The following POU6F1 variants were observed in gnomAD, a reference collection of about 807,000 sequenced individuals.
POU6F1 encodes the protein POU class 6 homeobox 1.
A neutral mutation model predicts 28.9 loss-of-function variants in POU6F1; 9 were observed. That is an observed-to-expected ratio of 0.31 (90% CI 0.19 to 0.54). POU6F1 has a LOEUF of 0.54. POU6F1 is among the 20% of genes least tolerant of loss of function. The pLI is 0.94. For missense variants in POU6F1, 338 were observed against 426.1 expected (o/e 0.79, Z 1.82); for synonymous variants, 173 against 171.1 (o/e 1.01, Z -0.09).
rs80221726 is a variant in POU6F1 at position 51,199,153 on chromosome 12, G to C, written c.367-378C>G. On this transcript the variant is annotated intron_variant, in intron 4 of 10. Coordinates refer to ENST00000333640, the MANE Select transcript of POU6F1 (RefSeq NM_001330422.2). This position sits in a 1 kb window ranked among gnomAD's most constrained non-coding sequence, Gnocchi z 4.1. ...GAGCAGAGGCTGATGGAACCAAGTG[G>C]TCAAGGCCCCGCAGAGGCTAATGGA... 0.082 allele frequency among the ~76,000 whole-genome samples: 41 copies of C among 502 alleles called. No individual in the cohort carries two copies. Among genetic ancestry groups the C allele is most frequent in the East Asian group, 0.14 (4 of 28 alleles). 0.3% of individuals were successfully genotyped at this position (502 alleles called of 152,430 possible).
Position 51,197,841 on chromosome 12 carries a change from T to A in POU6F1, c.775A>T (p.Thr259Ser), listed in dbSNP as rs962912600. 10 of 255,442 alleles carry A rather than the reference T, an allele frequency of 3.9e-5. No individual in the cohort carries two copies. Among genetic ancestry groups the A allele is most frequent in the Non-Finnish European group, 7.1e-5 (10 of 140,854 alleles). 15.8% of individuals were successfully genotyped at this position (255,442 alleles called of 1,614,324 possible). ...QPTAATAAAP[T>S]PKPVDTPPQI... ...GGGGGGGTGTCCACTGGCTTGGGGGTAGGGGCAGCAGCGGTGGCAGCAGTG... is the reference window on the plus strand; with the variant it reads ...GGGGGGGTGTCCACTGGCTTGGGGGAAGGGGCAGCAGCGGTGGCAGCAGTG... The change falls in exon 6 of 11, where the codon ACC (threonine) becomes TCC (serine). Residue 259 changes from threonine (T) to serine (S), a missense_variant. Coordinates refer to ENST00000333640, the MANE Select transcript of POU6F1 (RefSeq NM_001330422.2).
At chr12:51,193,972 C>T (rs1261221044) in intron 8 of POU6F1, among the ~76,000 whole-genome samples, 3 of 152,162 alleles carry the variant, frequency 2.0e-5, no homozygotes, top group Non-Finnish European at 4.4e-5. Flanking sequence ...CTTGACTCTC[C>T]CTAGAGCTGT....
chr12:51,204,489 G>A, intron 2 of POU6F1, 121 bp from the exon 3 acceptor site: 1 of 397,348 alleles, frequency 2.5e-6, no homozygotes, highest in Non-Finnish European at 4.4e-6. Context: ...CTCCTGTCCA[G>A]AGGGCTGTGT....
At position 51,189,967 on chromosome 12, in the gene POU6F1, T is replaced by C. The variant is rs552462808; in HGVS notation, c.*280A>G. On this transcript the variant is annotated 3_prime_UTR_variant, in exon 11 of 11. Transcript: ENST00000333640. ...ACCAGAATTCACCCTTCAGAAACCA[T>C]GCTAGCAAGGTGCTTCTCTAAGTGA... 5 of 456,480 alleles carry C rather than the reference T, an allele frequency of 1.1e-5. No homozygotes were observed. In the East Asian group the frequency reaches 1.7e-4, roughly 16 times the overall value. The allele number at this position is 456,480 out of a possible 1,614,324, so 28.3% of individuals were successfully genotyped here.
At position 51,190,109 on chromosome 12, in the gene POU6F1, T is replaced by C; in HGVS notation, c.*138A>G. 7.2e-7 allele frequency: 1 copy of C among 1,383,766 alleles called. No homozygotes were observed. Among genetic ancestry groups the C allele is most frequent in the Non-Finnish European group, 9.6e-7 (1 of 1,044,612 alleles). The allele number at this position is 1,383,766 out of a possible 1,614,324, so 85.7% of individuals were successfully genotyped here. A position where few individuals can be genotyped will look rare whatever the true frequency, so the allele number is the denominator to read the frequency against. On this transcript the variant is annotated 3_prime_UTR_variant, in exon 11 of 11. Coordinates refer to ENST00000333640, the MANE Select transcript of POU6F1 (RefSeq NM_001330422.2). This position sits in a 1 kb window ranked among gnomAD's most constrained non-coding sequence, Gnocchi z 4.5. The stretch of plus-strand genomic sequence containing the variant: ...GAGAAAAGAGGGACATTGATGCACA[T>C]GCACACGGTGGAGTCTGATGACCTG...
At chr12:51,212,918 A>G (rs531580102) in intron 1 of POU6F1, among the ~76,000 whole-genome samples, 1 of 152,040 alleles carries the variant, frequency 6.6e-6, no homozygotes, top group Non-Finnish European at 1.5e-5. Flanking sequence ...AGGGACACCT[A>G]ACACCTAATG....
chr12:51,212,918 A>T lies in POU6F1; in HGVS notation c.-48+4724T>A, dbSNP rs531580102. Among the ~76,000 whole-genome samples the T allele has an allele frequency of 2.0e-5, 3 of 152,154 alleles. No homozygotes were observed. The East Asian group carries it at 5.8e-4, about 29-fold the overall frequency. ...TAAAGAATCTACAAGAGGGACACCT[A>T]ACACCTAATGACCTAATGCAGTTGT... On this transcript the variant is annotated intron_variant, in intron 1 of 10. Coordinates refer to ENST00000333640, the MANE Select transcript of POU6F1 (RefSeq NM_001330422.2).
At chr12:51,209,469 C>G (rs1017671202) in intron 1 of POU6F1, among the ~76,000 whole-genome samples, 3 of 152,190 alleles carry the variant, frequency 2.0e-5, no homozygotes, top group African/African-American at 7.2e-5. Context: ...GAACTTCATT[C>G]CTTTTCATGG....
chr12:51,199,473 A>T lies in POU6F1; in HGVS notation c.366+274T>A, dbSNP rs1235792121. On this transcript the variant is annotated intron_variant, in intron 4 of 10. Coordinates refer to ENST00000333640, the MANE Select transcript of POU6F1 (RefSeq NM_001330422.2). This position sits in a 1 kb window ranked among gnomAD's most constrained non-coding sequence, Gnocchi z 4.1. ...TCATTTAGTCATTTGATAAACAGAA[A>T]CTCTGGCTGCGTGAAAGAGTTAATG... Among the ~76,000 whole-genome samples, 1 of 151,960 alleles carries T rather than the reference A, an allele frequency of 6.6e-6. No individual in the cohort carries two copies. The highest frequency in any genetic ancestry group is 1.5e-5 in the Non-Finnish European group (1 of 67,966).
intron 8 of POU6F1, among the ~76,000 whole-genome samples, chr12:51,194,185 C>A (rs1252480452): frequency 2.6e-5 from 4 of 152,172 alleles, no homozygotes; most frequent in East Asian, 3.9e-4. Context: ...CGCCACCACA[C>A]CTGGCTAATT....
intron 2 of POU6F1, among the ~76,000 whole-genome samples, chr12:51,204,998 T>A (rs970070711): frequency 6.7e-5 from 10 of 149,390 alleles, no homozygotes; most frequent in Non-Finnish European, 1.0e-4. Flanking sequence ...AGATGCATCC[T>A]CTCCCTCTCT....
chr12:51,201,267 T>C (rs139642777), intron 3 of POU6F1, among the ~76,000 whole-genome samples: 1 of 152,136 alleles, frequency 6.6e-6, no homozygotes, highest in East Asian at 1.9e-4. Context: ...AAAACCCAGG[T>C]AGTTTAAGGA....
chr12:51,206,280 G>A (rs184335981), intron 2 of POU6F1, among the ~76,000 whole-genome samples: 43 of 150,944 alleles, frequency 2.8e-4, no homozygotes, highest in African/African-American at 9.2e-4. Context: ...AAAATTAGCC[G>A]GGTGTGGTGG....
chr12:51,192,486 A>G lies in POU6F1; in HGVS notation c.1180-15T>C, dbSNP rs376522286. Reference sequence around the variant, plus strand: ...ATGGGCTGCACCTGTGAAAGGACAGACAACAAGCCTTTGCTGCCCTCTGCC... The same window carrying G: ...ATGGGCTGCACCTGTGAAAGGACAGGCAACAAGCCTTTGCTGCCCTCTGCC... On this transcript the variant is annotated splice_polypyrimidine_tract_variant and intron_variant, in intron 8 of 10. Coordinates refer to ENST00000333640, the MANE Select transcript of POU6F1 (RefSeq NM_001330422.2). 44 of 1,610,358 alleles carry G rather than the reference A, an allele frequency of 2.7e-5. No individual in the cohort carries two copies. In the Admixed American group the frequency reaches 6.8e-4, roughly 25 times the overall value.
At chr12:51,203,433 T>G (rs977907531) in intron 3 of POU6F1, among the ~76,000 whole-genome samples, 1 of 152,108 alleles carries the variant, frequency 6.6e-6, no homozygotes, top group African/African-American at 2.4e-5. Flanking sequence ...CATCCTGGCC[T>G]CAACATAGAA....
At chr12:51,191,502 A>G in intron 10 of POU6F1, 94 bp downstream of exon 10, 1 of 1,434,260 alleles carries the variant, frequency 7.0e-7, no homozygotes, top group Non-Finnish European at 9.4e-7. Flanking sequence ...AAGGGGGCAT[A>G]TGGAAAAGGG....
At chr12:51,194,726 A>T (rs10876153) in intron 8 of POU6F1, among the ~76,000 whole-genome samples, 66,227 of 151,552 alleles carry the variant, frequency 0.44, 16,219 homozygotes, top group African/African-American at 0.66. Context: ...ACCTTACCTG[A>T]TAATGGTAAT....
chr12:51,211,847 G>T (rs1290278680), intron 1 of POU6F1, among the ~76,000 whole-genome samples: 1 of 152,204 alleles, frequency 6.6e-6, no homozygotes, highest in Non-Finnish European at 1.5e-5. Flanking sequence ...TACCACCTGA[G>T]AATCCAAAGA....
Position 51,190,012 on chromosome 12 carries a change from C to A in POU6F1, c.*235G>T. On this transcript the variant is annotated 3_prime_UTR_variant, in exon 11 of 11. Transcript: ENST00000333640. The surrounding 1 kb of genome is among the most constrained non-coding windows in gnomAD (Gnocchi z 4.5). ...AAGTGACGTCACAAATCCTCTTCTT[C>A]GGAGTGACCAGCCCAGAGCCTGGAG... is the stretch of plus-strand genomic sequence containing the variant. 1.5e-6 allele frequency: 1 copy of A among 666,480 alleles called. No individual in the cohort carries two copies. The highest frequency in any genetic ancestry group is 2.1e-5 in the South Asian group (1 of 48,020). 41.3% of individuals were successfully genotyped at this position (666,480 alleles called of 1,614,324 possible).
Sources: allele counts gnomAD v4.1 joint callset (sites outside exome capture counted in the v4.1 genomes callset), GRCh38; gene constraint gnomAD v4.1.1; non-coding constraint Gnocchi (gnomAD v3.1); transcripts MANE v1.5; gene names NCBI Gene and HGNC (gene_info 2026-07-23, HGNC 2026-07-21).